TAMM41: variants seen among roughly 807,000 people sequenced by gnomAD.
The protein encoded by TAMM41 is phosphatidate cytidylyltransferase, mitochondrial.
TAMM41 carries 36 observed loss-of-function variants against 44.1 expected under a neutral mutation model. The ratio of observed to expected loss-of-function variants is 0.82; its 90% confidence interval spans 0.63 to 1.08. TAMM41 has a LOEUF of 1.08. TAMM41 is among the 50% of genes least tolerant of loss of function. The pLI, the probability that TAMM41 is intolerant of heterozygous loss-of-function variation, is 0.00. For missense variants in TAMM41, 417 were observed against 404.3 expected (o/e 1.03, Z -0.27); for synonymous variants, 164 against 153.1 (o/e 1.07, Z -0.53).
intron 7 of TAMM41, among the ~76,000 whole-genome samples, chr3:11,794,820 C>T (rs2077567083): frequency 6.6e-6 from 1 of 152,174 alleles, no homozygotes; most frequent in Non-Finnish European, 1.5e-5. Flanking sequence ...TGAAAGATCT[C>T]TATCTTTCCA....
intron 4 of TAMM41, among the ~76,000 whole-genome samples, chr3:11,826,357 C>G (rs1005931933): frequency 6.6e-6 from 1 of 151,850 alleles, no homozygotes; most frequent in African/African-American, 2.4e-5. Flanking sequence ...ACACAGCGAG[C>G]CCCTGTCGCT....
At chr3:11,813,860 GTATGTATATATA>G (rs1559286935) in intron 5 of TAMM41, among the ~76,000 whole-genome samples, 305 of 147,638 alleles carry the variant, frequency 2.1e-3, no homozygotes, top group African/African-American at 6.6e-3. Flanking sequence ...GTGTGTGTAT[GTATGTATATATA>G]TGTATATATG....
chr3:11,819,128 C>T (rs2078408347), intron 4 of TAMM41, among the ~76,000 whole-genome samples: 1 of 152,194 alleles, frequency 6.6e-6, no homozygotes, highest in African/African-American at 2.4e-5. Flanking sequence ...TCACATATTG[C>T]TGTTGACTGC....
In TAMM41 at chr3:11,807,882, G is replaced by C; in HGVS notation, c.888C>G (p.Ile296Met). The C allele has an allele frequency of 6.5e-7, 1 of 1,527,144 alleles. No individual in the cohort carries two copies. Among genetic ancestry groups the C allele is most frequent in the Non-Finnish European group, 8.8e-7 (1 of 1,142,346 alleles). 94.6% of individuals were successfully genotyped at this position (1,527,144 alleles called of 1,614,324 possible). The stretch of plus-strand genomic sequence containing the variant: ...TCTGTCTTATACTAGACGGTCTCAC[G>C]ATTGCTGAAAGCCCTGCGAGAAAAA... ...GDVVRLGLSAIVRPSSIRQST... is the reference protein window; with the variant it reads ...GDVVRLGLSAMVRPSSIRQST... The change falls in exon 7 of 8, where the codon ATC (isoleucine) becomes ATG (methionine). Residue 296 changes from isoleucine (I) to methionine (M), a missense_variant. Ile to Met is a conservative substitution (Grantham distance 10). Coordinates refer to ENST00000455809, the MANE Select transcript of TAMM41 (RefSeq NM_001284401.2).
the TAMM41 span, among the ~76,000 whole-genome samples, chr3:11,761,664 C>A: frequency 6.6e-6 from 1 of 151,958 alleles, no homozygotes; most frequent in African/African-American, 2.4e-5. Context: ...GATCCTTCCC[C>A]TTCCGGGCGC....
chr3:11,806,529 T>A (rs982354393), intron 7 of TAMM41, among the ~76,000 whole-genome samples: 2 of 151,802 alleles, frequency 1.3e-5, no homozygotes, highest in Admixed American at 1.3e-4. Flanking sequence ...GTTGAGAAAT[T>A]CGAGAAAATC....
At chr3:11,794,181 G>C (rs1390519430) in intron 7 of TAMM41, among the ~76,000 whole-genome samples, 2 of 150,816 alleles carry the variant, frequency 1.3e-5, no homozygotes, top group African/African-American at 2.5e-5. Flanking sequence ...CTGTCGCCCA[G>C]GTTGGAGTGC....
At chr3:11,798,523 AG>A (rs2077666961) in intron 7 of TAMM41, among the ~76,000 whole-genome samples, 1 of 152,186 alleles carries the variant, frequency 6.6e-6, no homozygotes, top group African/African-American at 2.4e-5. Flanking sequence ...GAGGGGTGAG[AG>A]GATCAGGAAA....
At chr3:11,807,557 A>C in intron 7 of TAMM41, 9 of 1,536,148 alleles carry the variant, frequency 5.9e-6, no homozygotes, top group Non-Finnish European at 7.8e-6. Context: ...TAAATAAAAC[A>C]ATATGAGGGA....
In TAMM41 at chr3:11,807,059, C is replaced by T. The variant is rs60086445; in HGVS notation, c.937+774G>A. ...CTCCAAATGTGCCTTCCATGTTCCC[C>T]TTCTCAGGAAATTACTGGAAAATGT... On this transcript the variant is annotated intron_variant, in intron 7 of 7. Transcript: ENST00000455809. 2,930 of 611,328 alleles carry T rather than the reference C, an allele frequency of 4.8e-3. 79 individuals are homozygous for T. The African/African-American group carries it at 0.054, about 11-fold the overall frequency. The allele number at this position is 611,328 out of a possible 1,614,324, so 37.9% of individuals were successfully genotyped here.
At chr3:11,723,133 T>A in the TAMM41 span, among the ~76,000 whole-genome samples, 1 of 50,276 alleles carries the variant, frequency 2.0e-5, no homozygotes, top group Admixed American at 2.6e-4. Context: ...TAAAATAAAA[T>A]AAAAACAAAA....
At chr3:11,832,154 G>C (rs1216004430) in intron 3 of TAMM41, among the ~76,000 whole-genome samples, 1 of 152,046 alleles carries the variant, frequency 6.6e-6, no homozygotes, top group African/African-American at 2.4e-5. Flanking sequence ...CAAATTTTAA[G>C]GTCCTATAAA....
intron 5 of TAMM41, among the ~76,000 whole-genome samples, chr3:11,812,522 G>C (rs1213773914): frequency 6.6e-6 from 1 of 152,114 alleles, no homozygotes; most frequent in African/African-American, 2.4e-5. Flanking sequence ...ACCCACTTGG[G>C]AACACTTTGC....
the TAMM41 span, among the ~76,000 whole-genome samples, chr3:11,756,038 C>T: frequency 4.6e-5 from 7 of 152,200 alleles, no homozygotes; most frequent in Non-Finnish European, 1.0e-4. Context: ...CCTCTGCACT[C>T]CCTTTAAGAC....
chr3:11,833,089 A>T, intron 3 of TAMM41: 1 of 1,276,362 alleles, frequency 7.8e-7, no homozygotes, highest in Non-Finnish European at 1.0e-6. Flanking sequence ...TTGTCTCAGC[A>T]GCACTGTTAT....
chr3:11,796,683 T>C (rs2077614080), intron 7 of TAMM41, among the ~76,000 whole-genome samples: 1 of 151,998 alleles, frequency 6.6e-6, no homozygotes, highest in Non-Finnish European at 1.5e-5. Context: ...ACTTGAGAAA[T>C]TTTGGGGAGA....
At chr3:11,803,341 G>A (rs1471861299) in intron 7 of TAMM41, among the ~76,000 whole-genome samples, 1 of 151,980 alleles carries the variant, frequency 6.6e-6, no homozygotes, top group Non-Finnish European at 1.5e-5. Context: ...GTGAGATCGC[G>A]CCACTATACT....
intron 7 of TAMM41, among the ~76,000 whole-genome samples, chr3:11,802,325 CA>C (rs1485721883): frequency 1.3e-5 from 2 of 151,978 alleles, no homozygotes; most frequent in African/African-American, 4.8e-5. Context: ...AGATACAAGA[CA>C]AGAAGAGATA....
At chr3:11,729,218 A>C in the TAMM41 span, among the ~76,000 whole-genome samples, 1 of 152,124 alleles carries the variant, frequency 6.6e-6, no homozygotes, top group Non-Finnish European at 1.5e-5. Context: ...TTTTCCTTTA[A>C]ATACTATAAG....
Sources: gnomAD v4.1 joint callset for allele counts (sites outside exome capture counted in the v4.1 genomes callset) on GRCh38, gnomAD v4.1.1 for gene constraint, MANE v1.5 for transcripts, NCBI Gene and HGNC (gene_info 2026-07-23, HGNC 2026-07-21) for gene names.